Variants in RNF180 observed in about 807,000 individuals in gnomAD.
RNF180 encodes the protein ring finger protein 180, also known as E3 ubiquitin-protein ligase RNF180.
Under a neutral mutation model 59.2 loss-of-function variants are expected in RNF180, and 38 were observed. That is an observed-to-expected ratio of 0.64 (90% confidence interval 0.50 to 0.84). The LOEUF (loss-of-function observed/expected upper bound fraction) is 0.84, where lower values mean the gene tolerates loss of function less well. Among genes scored for constraint, RNF180 ranks in the 40% least tolerant of loss-of-function variants. The pLI is 0.00. For missense variants in RNF180, 705 were observed against 700.9 expected, an observed-to-expected ratio of 1.01 and a Z score of -0.07; for synonymous variants, 262 against 240.3, an observed-to-expected ratio of 1.09 and a Z score of -0.84.
intron 5 of RNF180, among the ~76,000 whole-genome samples, chr5:64,280,664 G>A (rs1171497592): frequency 3.3e-5 from 5 of 151,882 alleles, no homozygotes; most frequent in African/African-American, 4.8e-5. Context: ...ATTGGTCTGC[G>A]TGTCTGTTTT....
In RNF180 at chr5:64,214,384, C is replaced by G; in HGVS notation, c.1058C>G (p.Ser353Cys). The G allele has an allele frequency of 6.2e-7, 1 of 1,614,064 alleles. No individual in the cohort carries two copies. The highest frequency in any genetic ancestry group is 8.5e-7 in the Non-Finnish European group (1 of 1,180,000). The change falls in exon 4 of 8, where the codon TCC becomes TGC. Residue 353 changes from serine to cysteine, a missense_variant. Coordinates refer to ENST00000389100, the MANE Select transcript of RNF180 (RefSeq NM_001113561.2). ...GCCTCAGACCAGGAAGAGCACCTCT[C>G]CCCTCTGGACTTCCTGCACTCAGCC... ...PEASDQEEHL[S>C]PLDFLHSANF...
In RNF180 at chr5:64,369,935, T is replaced by C. The variant is rs1477580246; in HGVS notation, c.*121T>C. The C allele has an allele frequency of 1.8e-6, 1 of 554,272 alleles. No homozygotes were observed. Among genetic ancestry groups the C allele is most frequent in the Non-Finnish European group, 3.0e-6 (1 of 330,306 alleles). The allele number at this position is 554,272 out of a possible 1,614,324, so 34.3% of individuals were successfully genotyped here. ...GCATTATACAAATTGTTGATGTTTATAGAAAGCCTGAGAATAATGAATTTA... is the reference window on the plus strand; with the variant it reads ...GCATTATACAAATTGTTGATGTTTACAGAAAGCCTGAGAATAATGAATTTA... On this transcript the variant is annotated 3_prime_UTR_variant, in exon 8 of 8. Transcript: ENST00000389100.
chr5:64,229,780 G>A (rs1428564747), intron 5 of RNF180, among the ~76,000 whole-genome samples: 1 of 152,164 alleles, frequency 6.6e-6, no homozygotes, highest in African/African-American at 2.4e-5. Flanking sequence ...ATCAATAGCC[G>A]GTATTGTGCT....
intron 7 of RNF180, among the ~76,000 whole-genome samples, chr5:64,352,655 G>T (rs1381563430): frequency 6.6e-6 from 1 of 151,770 alleles, no homozygotes; most frequent in Admixed American, 6.6e-5. Context: ...TCAAAGAAAG[G>T]ATTTTAAAGT....
At chr5:64,301,034 G>C (rs1046960853) in intron 5 of RNF180, among the ~76,000 whole-genome samples, 2 of 151,576 alleles carry the variant, frequency 1.3e-5, no homozygotes, top group African/African-American at 4.8e-5. Flanking sequence ...CTAAATTCCA[G>C]ATTGTTAAAG....
At chr5:64,172,316 C>T (rs957471850) in intron 1 of RNF180, among the ~76,000 whole-genome samples, 7 of 152,138 alleles carry the variant, frequency 4.6e-5, no homozygotes, top group African/African-American at 1.7e-4. Context: ...AATTCTAAAG[C>T]AGGGGGCTGG....
At chr5:64,228,391 A>G (rs1050378375) in intron 5 of RNF180, among the ~76,000 whole-genome samples, 1 of 152,092 alleles carries the variant, frequency 6.6e-6, no homozygotes, top group African/African-American at 2.4e-5. Context: ...ATGCAAGCCT[A>G]TAGTCCCAGC....
chr5:64,293,190 T>G (rs529517927), intron 5 of RNF180, among the ~76,000 whole-genome samples: 1 of 152,308 alleles, frequency 6.6e-6, no homozygotes, highest in South Asian at 2.1e-4. Flanking sequence ...ACACAATCAC[T>G]CACTGCTTCC....
intron 5 of RNF180, among the ~76,000 whole-genome samples, chr5:64,219,939 A>G (rs913328525): frequency 2.0e-5 from 3 of 152,338 alleles, no homozygotes; most frequent in Non-Finnish European, 4.4e-5. Flanking sequence ...TTACAGGACA[A>G]TCCAGGTTAT....
chr5:64,281,422 A>T (rs62369365), intron 5 of RNF180, among the ~76,000 whole-genome samples: 5,068 of 152,230 alleles, frequency 0.033, 116 homozygotes, highest in Non-Finnish European at 0.055. Flanking sequence ...ATTCAGGATA[A>T]TGTTGGCTGT....
At chr5:64,329,048 T>C (rs747558750) in intron 6 of RNF180, among the ~76,000 whole-genome samples, 5 of 152,240 alleles carry the variant, frequency 3.3e-5, no homozygotes, top group Non-Finnish European at 4.4e-5. Context: ...CTGTGTGTAC[T>C]TCAAACGACT....
intron 7 of RNF180, among the ~76,000 whole-genome samples, chr5:64,337,011 TTTTG>T (rs1745155550): frequency 6.8e-6 from 1 of 147,702 alleles, no homozygotes; most frequent in African/African-American, 2.6e-5. Context: ...GTTGTTTTTT[TTTTG>T]TTTTTGTTTT....
intron 5 of RNF180, among the ~76,000 whole-genome samples, chr5:64,255,899 G>A (rs1743917107): frequency 6.6e-6 from 1 of 152,184 alleles, no homozygotes; most frequent in Non-Finnish European, 1.5e-5. Flanking sequence ...ATTCAAACTG[G>A]TGTAAGATGG....
chr5:64,214,300 A>G lies in RNF180; in HGVS notation c.974A>G (p.Asn325Ser). Residue 325 changes from asparagine to serine, a missense_variant, in exon 4 of 8, where the codon AAT (asparagine) becomes AGT (serine). Coordinates refer to ENST00000389100, the MANE Select transcript of RNF180 (RefSeq NM_001113561.2). ...GCTTCAGTGTATTCTGACCATACTA[A>G]TACTAACAATCTGACTTTCCTGATG... ...EAASVYSDHT[N>S]TNNLTFLMDL... The G allele has an allele frequency of 1.2e-6, 2 of 1,614,082 alleles. No individual in the cohort carries two copies. The highest frequency in any genetic ancestry group is 1.7e-6 in the Non-Finnish European group (2 of 1,180,010).
chr5:64,208,481 T>A (rs1432037564), intron 2 of RNF180, among the ~76,000 whole-genome samples: 2 of 152,106 alleles, frequency 1.3e-5, no homozygotes, highest in African/African-American at 2.4e-5. Context: ...CCATCAAAAC[T>A]TGTTTTATCA....
intron 5 of RNF180, among the ~76,000 whole-genome samples, chr5:64,222,437 G>A (rs1209856040): frequency 6.6e-6 from 1 of 152,152 alleles, no homozygotes; most frequent in African/African-American, 2.4e-5. Context: ...CAAAGGGAGG[G>A]GGTACATGGG....
chr5:64,324,979 A>C (rs907937783), intron 5 of RNF180, among the ~76,000 whole-genome samples: 4 of 152,192 alleles, frequency 2.6e-5, no homozygotes, highest in African/African-American at 9.7e-5. Context: ...GCACTATGTC[A>C]CAATACTAAA....
At chr5:64,224,077 G>C (rs1038170500) in intron 5 of RNF180, among the ~76,000 whole-genome samples, 1 of 151,068 alleles carries the variant, frequency 6.6e-6, no homozygotes, top group South Asian at 2.2e-4. Context: ...GTGTGTGTGT[G>C]TGTGTGTGTG....
intron 5 of RNF180, among the ~76,000 whole-genome samples, chr5:64,304,714 A>G (rs1171322624): frequency 1.3e-5 from 2 of 151,696 alleles, no homozygotes; most frequent in Non-Finnish European, 3.0e-5. Context: ...GATGCTGTGA[A>G]CATGGTTGAA....
Sources: allele counts gnomAD v4.1 joint callset (sites outside exome capture counted in the v4.1 genomes callset), GRCh38; gene constraint gnomAD v4.1.1; transcripts MANE v1.5; gene names NCBI Gene and HGNC (gene_info 2026-07-23, HGNC 2026-07-21).